Variants in TMEM117 observed in about 807,000 individuals in gnomAD.
The protein encoded by TMEM117 is transmembrane protein 117.
In TMEM117, 27 loss-of-function variants were observed where a neutral mutation model predicts 52.4. That is an observed-to-expected ratio of 0.51 (90% confidence interval 0.38 to 0.71). The LOEUF is 0.71. TMEM117 is among the 30% of genes least tolerant of loss of function. The pLI, the probability that TMEM117 is intolerant of heterozygous loss-of-function variation, is 0.00. For missense variants in TMEM117, 556 were observed against 630.5 expected (o/e 0.88, Z 1.26); for synonymous variants, 215 against 206.3 (o/e 1.04, Z -0.36).
chr12:44,131,042 T>C (rs77789604), intron 3 of TMEM117, among the ~76,000 whole-genome samples: 2,832 of 152,232 alleles, frequency 0.019, 71 homozygotes, highest in East Asian at 0.057. Context: ...GAAAAACTTA[T>C]ATATTTCTCT....
chr12:44,255,327 G>C (rs1950247324), intron 5 of TMEM117, among the ~76,000 whole-genome samples: 1 of 152,014 alleles, frequency 6.6e-6, no homozygotes, highest in South Asian at 2.1e-4. Flanking sequence ...CAAAGGATAT[G>C]AACAGACACT....
chr12:44,251,037 G>T (rs1354483548), intron 5 of TMEM117, among the ~76,000 whole-genome samples: 1 of 151,956 alleles, frequency 6.6e-6, no homozygotes, highest in East Asian at 1.9e-4. Context: ...TTTTGAGAGG[G>T]TTCTTGGTCA....
intron 4 of TMEM117, among the ~76,000 whole-genome samples, chr12:44,178,561 A>T (rs1949147436): frequency 6.6e-6 from 1 of 152,200 alleles, no homozygotes; most frequent in Non-Finnish European, 1.5e-5. Context: ...TCATTTCATT[A>T]ATCAGGCTCT....
At chr12:44,117,140 A>T (rs17094102) in intron 3 of TMEM117, among the ~76,000 whole-genome samples, 16,804 of 152,076 alleles carry the variant, frequency 0.11, 2,498 homozygotes, top group African/African-American at 0.34. Context: ...CCATCAACTA[A>T]TCCCTTAGTT....
At chr12:43,987,959 G>T (rs1321231837) in intron 3 of TMEM117, among the ~76,000 whole-genome samples, 1 of 151,978 alleles carries the variant, frequency 6.6e-6, no homozygotes, top group South Asian at 2.1e-4. Context: ...TATAATATCT[G>T]CAGTTAATCA....
At chr12:44,209,018 A>G (rs1261185233) in intron 4 of TMEM117, among the ~76,000 whole-genome samples, 1 of 152,116 alleles carries the variant, frequency 6.6e-6, no homozygotes, top group Non-Finnish European at 1.5e-5. Context: ...AAATCTTTTA[A>G]AAGTCTAATG....
the TMEM117 span, among the ~76,000 whole-genome samples, chr12:43,814,232 C>T: frequency 1.3e-5 from 2 of 152,106 alleles, no homozygotes; most frequent in South Asian, 2.1e-4. Context: ...CTCACTTCCA[C>T]GACTGCCTAC....
chr12:44,040,547 T>G (rs998076964), intron 3 of TMEM117, among the ~76,000 whole-genome samples: 16 of 152,190 alleles, frequency 1.1e-4, no homozygotes, highest in African/African-American at 3.4e-4. Flanking sequence ...ATGTACATCT[T>G]TCCAGGTTTC....
intron 5 of TMEM117, among the ~76,000 whole-genome samples, chr12:44,254,225 A>T (rs970066468): frequency 6.6e-6 from 1 of 152,076 alleles, no homozygotes; most frequent in African/African-American, 2.4e-5. Flanking sequence ...CTTGACAGAA[A>T]ATAGTTATCA....
rs146154739 is a variant in TMEM117, at chr12:43,993,590, G to T, written c.410+49248G>T. ...GGGTGGAAGATATGAGGAGAAAATG[G>T]GAGGGAGGTGAAAAAAACATCACTA... is the stretch of plus-strand genomic sequence containing the variant. On this transcript the variant is annotated intron_variant, in intron 3 of 7. Transcript: ENST00000266534. Among the ~76,000 whole-genome samples, 517 of 152,228 alleles carry T rather than the reference G, an allele frequency of 3.4e-3. 2 individuals are homozygous for T. The highest frequency in any genetic ancestry group is 8.9e-3 in the Admixed American group (136 of 15,274).
chr12:44,096,038 TG>T (rs1947754763), intron 3 of TMEM117, among the ~76,000 whole-genome samples: 2 of 152,154 alleles, frequency 1.3e-5, no homozygotes, highest in Non-Finnish European at 2.9e-5. Context: ...ACAAAATCAA[TG>T]TACAAAAATC....
chr12:43,917,272 G>C lies in TMEM117; in HGVS notation c.278-26938G>C, dbSNP rs532231657. On this transcript the variant is annotated intron_variant, in intron 2 of 7. Coordinates refer to ENST00000266534, the MANE Select transcript of TMEM117 (RefSeq NM_032256.3). ...AAAAAAAGGCGTGCTGTGGTGGCACGAGCCTGTAGTCCTAGCTATTCAAGA... is the reference window on the plus strand; with the variant it reads ...AAAAAAAGGCGTGCTGTGGTGGCACCAGCCTGTAGTCCTAGCTATTCAAGA... Among the ~76,000 whole-genome samples the C allele has an allele frequency of 2.4e-4, 36 of 149,694 alleles. 1 individual carries two copies. The highest frequency in any genetic ancestry group is 8.3e-4 in the African/African-American group (34 of 40,996).
the TMEM117 span, chr12:43,805,708 G>A: frequency 2.1e-6 from 2 of 958,640 alleles, no homozygotes; most frequent in South Asian, 1.3e-5. Flanking sequence ...TTCCTATTTG[G>A]AGAGAAAATG....
At chr12:43,930,798 G>A (rs1345332090) in intron 2 of TMEM117, among the ~76,000 whole-genome samples, 1 of 151,942 alleles carries the variant, frequency 6.6e-6, no homozygotes, top group Non-Finnish European at 1.5e-5. Context: ...GATCTTTTTT[G>A]TCTTTTAAGA....
At chr12:43,849,733 A>T (rs1009348751) in intron 2 of TMEM117, among the ~76,000 whole-genome samples, 3 of 152,080 alleles carry the variant, frequency 2.0e-5, no homozygotes, top group African/African-American at 4.8e-5. Context: ...CTATGAAATT[A>T]TATGGAATAT....
rs564598240 is a variant in TMEM117, at chr12:44,239,538, G to A, written c.608+28151G>A. ...TCTTAAACCCATGTTGGTTCTTAGCGATCTCAATATTCATTCAAAATAGTC... is the reference window on the plus strand; with the variant it reads ...TCTTAAACCCATGTTGGTTCTTAGCAATCTCAATATTCATTCAAAATAGTC... On this transcript the variant is annotated intron_variant, in intron 5 of 7. Coordinates refer to ENST00000266534, the MANE Select transcript of TMEM117 (RefSeq NM_032256.3). Among the ~76,000 whole-genome samples the A allele has an allele frequency of 5.3e-5, 8 of 152,104 alleles. No homozygotes were observed. In the South Asian group the frequency reaches 1.7e-3, roughly 32 times the overall value.
chr12:44,390,490 A>G (rs1380150413), downstream of TMEM117, among the ~76,000 whole-genome samples: 1 of 152,170 alleles, frequency 6.6e-6, no homozygotes, highest in Non-Finnish European at 1.5e-5. Flanking sequence ...ATGACTTATA[A>G]AAATATTATT....
At chr12:43,998,908 A>C (rs1946073537) in intron 3 of TMEM117, among the ~76,000 whole-genome samples, 1 of 152,250 alleles carries the variant, frequency 6.6e-6, no homozygotes. Flanking sequence ...CAGGCACTTC[A>C]CAAGAGAATA....
chr12:44,026,485 C>T (rs976156245), intron 3 of TMEM117, among the ~76,000 whole-genome samples: 1 of 152,180 alleles, frequency 6.6e-6, no homozygotes, highest in Admixed American at 6.6e-5. Context: ...CCCTGACCTT[C>T]TCATCAGTGG....
Sources: gnomAD v4.1 joint callset for allele counts (sites outside exome capture counted in the v4.1 genomes callset) on GRCh38, gnomAD v4.1.1 for gene constraint, MANE v1.5 for transcripts, NCBI Gene and HGNC (gene_info 2026-07-23, HGNC 2026-07-21) for gene names.